The following CACNA2D1 variants were observed in gnomAD, a reference collection of about 807,000 sequenced individuals.
CACNA2D1 encodes calcium voltage-gated channel auxiliary subunit alpha2delta 1.
In CACNA2D1, 53 loss-of-function variants were observed where a neutral mutation model predicts 171.5. The observed-to-expected ratio is 0.31, with a 90% CI of 0.25 to 0.39. CACNA2D1 has a LOEUF of 0.39. Ranked by LOEUF, CACNA2D1 falls within the 10% of genes least tolerant of loss-of-function variation. CACNA2D1 has a pLI of 1.00. For missense variants in CACNA2D1, 903 were observed against 1,299.8 expected (o/e 0.69, Z 4.69); for synonymous variants, 442 against 443.1 (o/e 1.00, Z 0.03).
intron 1 of CACNA2D1, among the ~76,000 whole-genome samples, chr7:82,389,146 A>ATT (rs1554537349): frequency 1.8e-4 from 24 of 131,016 alleles, no homozygotes; most frequent in African/African-American, 5.7e-4. Context: ...ATATATATAT[A>ATT]TTTATATATA....
intron 6 of CACNA2D1, among the ~76,000 whole-genome samples, chr7:82,101,364 G>T (rs1290950884): frequency 6.6e-6 from 1 of 152,116 alleles, no homozygotes; most frequent in Admixed American, 6.5e-5. Flanking sequence ...GAGCACACAG[G>T]TGATGATGGG....
intron 1 of CACNA2D1, among the ~76,000 whole-genome samples, chr7:82,381,231 G>A (rs1261873733): frequency 6.6e-6 from 1 of 150,786 alleles, no homozygotes; most frequent in Non-Finnish European, 1.5e-5. Context: ...GGAGAATGGC[G>A]TGAACCCGGC....
intron 8 of CACNA2D1, among the ~76,000 whole-genome samples, chr7:82,064,732 AT>A (rs1408413944): frequency 2.8e-4 from 42 of 152,308 alleles, no homozygotes; most frequent in African/African-American, 9.6e-4. Context: ...AATGTAAAAA[AT>A]AAGCACAAAA....
At chr7:82,349,470 T>C in intron 2 of CACNA2D1, 98 bp downstream of exon 2, 8 of 963,696 alleles carry the variant, frequency 8.3e-6, no homozygotes, top group Middle Eastern at 2.9e-4. Context: ...TGAGAAATCA[T>C]ATCCCATTTG....
chr7:82,084,747 GATTGAATC>G lies in CACNA2D1; in HGVS notation c.658+14_658+21del, dbSNP rs1301791632. 1.2e-6 allele frequency: 2 copies of G among 1,613,508 alleles called. No homozygotes were observed. The highest frequency in any genetic ancestry group is 1.3e-5 in the African/African-American group (1 of 74,922). On this transcript the variant is annotated intron_variant, in intron 7 of 38. Transcript: ENST00000356860. ...AACATTGAGGCTGGAACTTGACAAT[GATTGAATC>G]ACTAAGCACCTACCTGGATAATATC...
At chr7:82,169,255 T>A (rs1456183717) in intron 4 of CACNA2D1, among the ~76,000 whole-genome samples, 1 of 152,060 alleles carries the variant, frequency 6.6e-6, no homozygotes, top group Non-Finnish European at 1.5e-5. Context: ...TTTAGCTTAA[T>A]CATTGATTTT....
intron 6 of CACNA2D1, among the ~76,000 whole-genome samples, chr7:82,090,311 T>TGTTAGGA (rs1252229668): frequency 6.6e-6 from 1 of 152,086 alleles, no homozygotes; most frequent in Non-Finnish European, 1.5e-5. Flanking sequence ...GAAAAACATT[T>TGTTAGGA]GTTAGGACTT....
At chr7:82,132,776 C>G (rs1791145225) in intron 5 of CACNA2D1, among the ~76,000 whole-genome samples, 1 of 152,162 alleles carries the variant, frequency 6.6e-6, no homozygotes, top group South Asian at 2.1e-4. Flanking sequence ...AGGTATCTCT[C>G]TAACAGACAA....
At chr7:82,049,126 T>TAAAAAAAAAA (rs10652736) in intron 10 of CACNA2D1, among the ~76,000 whole-genome samples, 1 of 139,020 alleles carries the variant, frequency 7.2e-6, no homozygotes. Flanking sequence ...TGGCAACTCA[T>TAAAAAAAAAA]AAAAAAAAAA....
At chr7:82,398,203 T>G (rs938482579) in intron 1 of CACNA2D1, among the ~76,000 whole-genome samples, 2 of 152,126 alleles carry the variant, frequency 1.3e-5, no homozygotes, top group African/African-American at 2.4e-5. Context: ...GGGGAGAGAC[T>G]AAAAAAGTAA....
At chr7:82,218,401 C>T (rs919245660) in intron 3 of CACNA2D1, among the ~76,000 whole-genome samples, 2 of 152,132 alleles carry the variant, frequency 1.3e-5, no homozygotes, top group African/African-American at 4.8e-5. Context: ...CAGTTTCCCT[C>T]CAGACCAAGA....
intron 3 of CACNA2D1, among the ~76,000 whole-genome samples, chr7:82,290,475 T>C (rs1046542284): frequency 6.6e-6 from 1 of 152,008 alleles, no homozygotes; most frequent in African/African-American, 2.4e-5. Flanking sequence ...TATAAATTCA[T>C]TTCCAATTGC....
chr7:81,951,977 T>TG (rs1792621728), intron 38 of CACNA2D1, among the ~76,000 whole-genome samples: 1 of 148,554 alleles, frequency 6.7e-6, no homozygotes, highest in Admixed American at 6.7e-5. Flanking sequence ...GTGTTTTTTT[T>TG]TTTTTTTTTT....
At chr7:82,294,158 TTAACA>T (rs1811990065) in intron 3 of CACNA2D1, among the ~76,000 whole-genome samples, 1 of 152,128 alleles carries the variant, frequency 6.6e-6, no homozygotes, top group African/African-American at 2.4e-5. Context: ...CTGAACTATT[TTAACA>T]TAACATAAAT....
At chr7:82,105,398 C>CTTTTTTTTTTTTTTTT (rs572031121) in intron 6 of CACNA2D1, among the ~76,000 whole-genome samples, 5 of 99,484 alleles carry the variant, frequency 5.0e-5, no homozygotes, top group Non-Finnish European at 7.6e-5. Context: ...CAGTTTTTGT[C>CTTTTTTTTTTTTTTTT]TTTTTTTTTT....
intron 11 of CACNA2D1, among the ~76,000 whole-genome samples, chr7:82,037,783 T>C (rs1803487459): frequency 6.6e-6 from 1 of 152,240 alleles, no homozygotes. Context: ...ATATTCTATA[T>C]AGGCCAATTA....
At chr7:82,081,471 A>C (rs2129006717) in intron 7 of CACNA2D1, among the ~76,000 whole-genome samples, 1 of 152,324 alleles carries the variant, frequency 6.6e-6, no homozygotes, top group Non-Finnish European at 1.5e-5. Flanking sequence ...TCAGTAACAG[A>C]TTCACTAAAC....
intron 3 of CACNA2D1, among the ~76,000 whole-genome samples, chr7:82,246,246 T>A (rs989398025): frequency 4.0e-5 from 6 of 151,112 alleles, no homozygotes; most frequent in Non-Finnish European, 8.8e-5. Flanking sequence ...TATATCTTTA[T>A]ATATTTATGC....
At chr7:82,249,189 G>A (rs1805333442) in intron 3 of CACNA2D1, among the ~76,000 whole-genome samples, 1 of 151,936 alleles carries the variant, frequency 6.6e-6, no homozygotes, top group South Asian at 2.1e-4. Context: ...CACAAAGGAG[G>A]AGCACCATAC....
Sources: gnomAD v4.1 joint callset for allele counts (sites outside exome capture counted in the v4.1 genomes callset) on GRCh38, gnomAD v4.1.1 for gene constraint, MANE v1.5 for transcripts, NCBI Gene and HGNC (gene_info 2026-07-23, HGNC 2026-07-21) for gene names.